The following LRMDA variants were observed in gnomAD, a reference collection of about 807,000 sequenced individuals.
LRMDA encodes leucine-rich melanocyte differentiation-associated protein.
LRMDA carries 18 observed loss-of-function variants against 29.8 expected under a neutral mutation model. The ratio of observed to expected loss-of-function variants is 0.60; its 90% CI spans 0.42 to 0.90. LRMDA has a LOEUF of 0.90. Ranked by LOEUF, LRMDA falls within the 40% of genes least tolerant of loss-of-function variation. The pLI, the probability that LRMDA is intolerant of heterozygous loss-of-function variation, is 0.00. For missense variants in LRMDA, 273 were observed against 273.9 expected, an observed-to-expected ratio of 1.00 and a Z score of 0.02; for synonymous variants, 125 against 109.4, an observed-to-expected ratio of 1.14 and a Z score of -0.89.
chr10:75,505,343 A>G (rs1589163247), intron 2 of LRMDA, among the ~76,000 whole-genome samples: 1 of 152,166 alleles, frequency 6.6e-6, no homozygotes, highest in Non-Finnish European at 1.5e-5. Flanking sequence ...TTCACATTCT[A>G]GATTTTTCCC....
intron 2 of LRMDA, among the ~76,000 whole-genome samples, chr10:75,690,994 TACACACACACACAC>T (rs3041682): frequency 8.0e-5 from 8 of 100,038 alleles, no homozygotes; most frequent in African/African-American, 2.4e-4. Context: ...TATATATATA[TACACACACACACAC>T]ACACACACAC....
At chr10:76,543,750 G>A (rs145526736) in intron 6 of LRMDA, among the ~76,000 whole-genome samples, 1,544 of 152,180 alleles carry the variant, frequency 0.01, 16 homozygotes, top group South Asian at 0.022. Context: ...CCACCCCCTC[G>A]CCAGCTTCCA....
intron 6 of LRMDA, among the ~76,000 whole-genome samples, chr10:76,342,297 A>C (rs181016914): frequency 6.6e-6 from 1 of 152,162 alleles, no homozygotes. Flanking sequence ...AAAAAAGATA[A>C]CATATAAGCC....
At chr10:76,287,942 TC>T (rs1222414187) in intron 5 of LRMDA, among the ~76,000 whole-genome samples, 2 of 152,164 alleles carry the variant, frequency 1.3e-5, no homozygotes, top group African/African-American at 4.8e-5. Context: ...AAGCACTGAG[TC>T]AGGACTGGTT....
chr10:75,826,257 A>C (rs1446899211), intron 2 of LRMDA, among the ~76,000 whole-genome samples: 1 of 152,024 alleles, frequency 6.6e-6, no homozygotes, highest in Non-Finnish European at 1.5e-5. Flanking sequence ...AGTCTCAAAA[A>C]GGTTAATGAA....
intron 2 of LRMDA, among the ~76,000 whole-genome samples, chr10:75,474,781 C>T (rs1397984327): frequency 2.6e-5 from 4 of 152,078 alleles, no homozygotes; most frequent in Non-Finnish European, 5.9e-5. Context: ...GGTTGTAAGA[C>T]GTGTGTGCAT....
intron 2 of LRMDA, among the ~76,000 whole-genome samples, chr10:75,531,117 T>C (rs757187816): frequency 6.6e-6 from 1 of 152,170 alleles, no homozygotes; most frequent in Non-Finnish European, 1.5e-5. Context: ...CCAGGCACTG[T>C]GCTGGTCTCT....
At chr10:75,719,504 G>A (rs1842540692) in intron 2 of LRMDA, among the ~76,000 whole-genome samples, 2 of 152,214 alleles carry the variant, frequency 1.3e-5, no homozygotes, top group Non-Finnish European at 2.9e-5. Context: ...TCCCAGAATT[G>A]TTTCTTAGTC....
intron 6 of LRMDA, among the ~76,000 whole-genome samples, chr10:76,376,497 A>G (rs1841519941): frequency 6.6e-6 from 1 of 152,158 alleles, no homozygotes. Context: ...TGATTTTATA[A>G]CTTTACTATT....
At chr10:75,895,194 C>T (rs1447158935) in intron 2 of LRMDA, among the ~76,000 whole-genome samples, 2 of 152,082 alleles carry the variant, frequency 1.3e-5, no homozygotes, top group Non-Finnish European at 2.9e-5. Flanking sequence ...TGATGGGCAG[C>T]TTTTGAGCCA....
intron 2 of LRMDA, among the ~76,000 whole-genome samples, chr10:75,900,228 C>A (rs1479804965): frequency 1.3e-5 from 2 of 152,126 alleles, no homozygotes; most frequent in African/African-American, 4.8e-5. Context: ...ATATTTGCAC[C>A]ACAAGAGTTA....
At position 76,112,398 on chromosome 10, in the gene LRMDA, C is replaced by G. The variant is rs74148700; in HGVS notation, c.516+53615C>G. ...ACGGCGGGGCCTGGACAGAGTGGAG[C>G]CGGCGCCGGCCCTCGTCACCCTTCA... On this transcript the variant is annotated intron_variant, in intron 5 of 6. Transcript: ENST00000611255. Among the ~76,000 whole-genome samples the G allele has an allele frequency of 6.6e-3, 1,002 of 152,342 alleles. 18 individuals are homozygous for G. Among genetic ancestry groups the G allele is most frequent in the African/African-American group, 0.023 (962 of 41,588 alleles).
At chr10:75,462,722 T>C (rs1188526053) in intron 2 of LRMDA, among the ~76,000 whole-genome samples, 1 of 152,204 alleles carries the variant, frequency 6.6e-6, no homozygotes, top group African/African-American at 2.4e-5. Flanking sequence ...ATTAGCTTTA[T>C]AAGGTGGGGA....
At chr10:75,962,311 A>G (rs552958706) in intron 2 of LRMDA, among the ~76,000 whole-genome samples, 95 of 152,208 alleles carry the variant, frequency 6.2e-4, no homozygotes, top group Non-Finnish European at 9.1e-4. Context: ...GGACTAGAGC[A>G]GTGGCTTGCA....
At chr10:76,028,715 A>T (rs1053532327) in intron 2 of LRMDA, among the ~76,000 whole-genome samples, 3 of 151,882 alleles carry the variant, frequency 2.0e-5, no homozygotes, top group African/African-American at 7.3e-5. Context: ...CTTCAGGTAC[A>T]TTTTTGAAGC....
At chr10:75,692,343 A>G (rs1842176478) in intron 2 of LRMDA, among the ~76,000 whole-genome samples, 1 of 148,054 alleles carries the variant, frequency 6.8e-6, no homozygotes, top group East Asian at 2.0e-4. Context: ...ATGTATATGT[A>G]TTGATGGAAT....
chr10:75,973,744 T>C (rs1847022680), intron 2 of LRMDA, among the ~76,000 whole-genome samples: 1 of 152,162 alleles, frequency 6.6e-6, no homozygotes, highest in Non-Finnish European at 1.5e-5. Flanking sequence ...TGCAGTATTA[T>C]GGCAGCTGAA....
intron 2 of LRMDA, chr10:75,883,169 C>T (rs1564595965): frequency 1.3e-5 from 2 of 152,142 alleles, no homozygotes; most frequent in Non-Finnish European, 2.9e-5. Context: ...TCAAAGCTAC[C>T]CATTCTACTA....
chr10:75,820,307 G>A (rs913904540), intron 2 of LRMDA, among the ~76,000 whole-genome samples: 4 of 152,270 alleles, frequency 2.6e-5, no homozygotes, highest in East Asian at 3.9e-4. Flanking sequence ...GTCAAGTACC[G>A]TCTCAGACTA....
Sources: allele counts gnomAD v4.1 joint callset (sites outside exome capture counted in the v4.1 genomes callset), GRCh38; gene constraint gnomAD v4.1.1; transcripts MANE v1.5; gene names NCBI Gene and HGNC (gene_info 2026-07-23, HGNC 2026-07-21).